The following DCLRE1C variants were observed in gnomAD, a reference collection of about 807,000 sequenced individuals.
The protein encoded by DCLRE1C is protein artemis.
DCLRE1C carries 47 observed loss-of-function variants against 61.4 expected under a neutral mutation model. The observed-to-expected ratio is 0.77, with a 90% CI of 0.61 to 0.98. DCLRE1C has a LOEUF of 0.98. DCLRE1C is among the 50% of genes least tolerant of loss of function. The probability of loss-of-function intolerance (pLI) is 0.00; values close to 1 mark genes in which losing one functional copy is unlikely to be tolerated. For synonymous variants in DCLRE1C, 337 were observed against 287.6 expected (o/e 1.17, Z -1.74); for missense variants, 858 against 816.0 (o/e 1.05, Z -0.63).
intron 13 of DCLRE1C, chr10:14,899,518 C>T (rs1384576764): frequency 6.6e-5 from 107 of 1,612,628 alleles, no homozygotes; most frequent in East Asian, 8.9e-5. Context: ...ACGTAATATA[C>T]TTACAGTTTT....
intron 3 of DCLRE1C, 108 bp from the exon 4 acceptor site, chr10:14,939,977 A>G (rs1840601534): frequency 1.3e-6 from 1 of 793,958 alleles, no homozygotes; most frequent in Non-Finnish European, 2.1e-6. Flanking sequence ...CAGACTCTCT[A>G]TATAAACAAT....
intron 6 of DCLRE1C, among the ~76,000 whole-genome samples, chr10:14,935,059 A>C (rs1839674821): frequency 6.6e-6 from 1 of 151,898 alleles, no homozygotes; most frequent in Non-Finnish European, 1.5e-5. Context: ...CCTGGCCTCA[A>C]GTGATGCACC....
At chr10:14,899,796 A>C, downstream of DCLRE1C, 1 of 1,303,972 alleles carries the variant, frequency 7.7e-7, no homozygotes, top group Non-Finnish European at 1.0e-6. Flanking sequence ...ACATTTCCAA[A>C]ATATGTATTT....
chr10:14,950,209 G>A (rs928965464), intron 1 of DCLRE1C, among the ~76,000 whole-genome samples: 18 of 151,810 alleles, frequency 1.2e-4, no homozygotes, highest in East Asian at 3.9e-4. Context: ...GGCTGGTGGC[G>A]CATGGCTGTA....
chr10:14,926,863 A>G lies in DCLRE1C; in HGVS notation c.952T>C (p.Phe318Leu), dbSNP rs1264592070. ...CTTACCTCACTGTAGGAGGAGTGAAAAGAAAAACAAGCTCTGTATGAACTC... is the reference window on the plus strand; with the variant it reads ...CTTACCTCACTGTAGGAGGAGTGAAGAGAAAAACAAGCTCTGTATGAACTC... ...GESSYRACFS[F>L]HSSYSEIKDF... Residue 318 changes from phenylalanine (F) to leucine (L), a missense_variant, in exon 11 of 14, where the codon TTT (phenylalanine) becomes CTT (leucine). Coordinates refer to ENST00000378278, the MANE Select transcript of DCLRE1C (RefSeq NM_001033855.3). 6.2e-7 allele frequency: 1 copy of G among 1,613,446 alleles called. No individual in the cohort carries two copies. Among genetic ancestry groups the G allele is most frequent in the African/African-American group, 1.3e-5 (1 of 74,880 alleles).
chr10:14,909,282 C>A lies in DCLRE1C; in HGVS notation c.1205G>T (p.Arg402Met). ...AGTTTCCGGGTATGGAACTTTGTGCCTTAAAGGTATTGGCAGAGGATCATC... is the reference window on the plus strand; with the variant it reads ...AGTTTCCGGGTATGGAACTTTGTGCATTAAAGGTATTGGCAGAGGATCATC... Reference protein sequence around the residue: ...LFDDPLPIPLRHKVPYPETFH... With the variant: ...LFDDPLPIPLMHKVPYPETFH... Residue 402 changes from arginine (R) to methionine (M), a missense_variant, in exon 14 of 14, where the codon AGG (arginine) becomes ATG (methionine). Coordinates refer to ENST00000378278, the MANE Select transcript of DCLRE1C (RefSeq NM_001033855.3). 6.2e-7 allele frequency: 1 copy of A among 1,613,772 alleles called. No homozygotes were observed. Among genetic ancestry groups the A allele is most frequent in the Non-Finnish European group, 8.5e-7 (1 of 1,179,966 alleles).
chr10:14,924,050 C>T (rs914182467), intron 11 of DCLRE1C, among the ~76,000 whole-genome samples: 1 of 152,224 alleles, frequency 6.6e-6, no homozygotes, highest in East Asian at 1.9e-4. Flanking sequence ...CTGGGGTGTG[C>T]CTAAGGGCCA....
chr10:14,937,748 G>A (rs1001462364), intron 4 of DCLRE1C, among the ~76,000 whole-genome samples: 3 of 152,104 alleles, frequency 2.0e-5, no homozygotes, highest in Admixed American at 6.5e-5. Flanking sequence ...AAAATTAGCT[G>A]CGCATGGTGG....
chr10:14,929,189 G>C lies in DCLRE1C; in HGVS notation c.781-1037C>G, dbSNP rs370904921. ...GGAGGCTGAGGCAGGTGGATCACTT[G>C]AGGTCAGGAGTCCAAGACCAGTCTG... On this transcript the variant is annotated intron_variant, in intron 9 of 13. Transcript: ENST00000378278. 1.4e-4 allele frequency among the ~76,000 whole-genome samples: 22 copies of C among 152,268 alleles called. No individual in the cohort carries two copies. In the East Asian group the frequency reaches 4.3e-3, roughly 29 times the overall value.
chr10:14,908,780 A>AT lies in DCLRE1C; in HGVS notation c.1706dup (p.Asp569GlufsTer9), dbSNP rs752450605. On this transcript the variant is annotated frameshift_variant, in exon 14 of 14. Transcript: ENST00000378278. LOFTEE classifies it low-confidence loss of function (END_TRUNC). ...AGTCAGCTTTGTCCAAGGAAGTAAT[A>AT]TCCCCACTGTTTCTCTCTTGGGAAG... 1.2e-6 allele frequency: 2 copies of AT among 1,614,202 alleles called. No individual in the cohort carries two copies. The highest frequency in any genetic ancestry group is 8.5e-7 in the Non-Finnish European group (1 of 1,180,036).
rs1167279540 is a variant in DCLRE1C, at chr10:14,906,801, C to CA, written c.*1606dup. Among the ~76,000 whole-genome samples the CA allele has an allele frequency of 6.6e-6, 1 of 152,218 alleles. No homozygotes were observed. The highest frequency in any genetic ancestry group is 1.5e-5 in the Non-Finnish European group (1 of 68,034). On this transcript the variant is annotated 3_prime_UTR_variant, in exon 14 of 14. Coordinates refer to ENST00000378278, the MANE Select transcript of DCLRE1C (RefSeq NM_001033855.3). The stretch of plus-strand genomic sequence containing the variant: ...TTAAAACTTGTTAAAAATCCTCATA[C>CA]ATAACACAAAAGCCTAACACATTGA...
At chr10:14,902,137 T>C (rs1334988900), downstream of DCLRE1C, among the ~76,000 whole-genome samples, 6 of 152,208 alleles carry the variant, frequency 3.9e-5, no homozygotes, top group Non-Finnish European at 2.9e-5. Context: ...CTGACAAATA[T>C]GGGCTAATAA....
At chr10:14,914,845 CAGG>C (rs1419163276) in intron 13 of DCLRE1C, among the ~76,000 whole-genome samples, 16 of 151,842 alleles carry the variant, frequency 1.1e-4, no homozygotes, top group Admixed American at 1.1e-3. Flanking sequence ...GATGCTGACA[CAGG>C]AGAATCACTT....
chr10:14,900,705 A>G (rs1388574740), downstream of DCLRE1C, among the ~76,000 whole-genome samples: 1 of 152,202 alleles, frequency 6.6e-6, no homozygotes, highest in Non-Finnish European at 1.5e-5. Flanking sequence ...ATGCAGTGTA[A>G]AATTTGAGTT....
At chr10:14,932,017 G>A (rs749982103) in intron 9 of DCLRE1C, among the ~76,000 whole-genome samples, 4 of 152,052 alleles carry the variant, frequency 2.6e-5, no homozygotes, top group South Asian at 2.1e-4. Flanking sequence ...CTGGGCAACA[G>A]AGCAAGGCTC....
At position 14,945,110 on chromosome 10, in the gene DCLRE1C, GT is replaced by G. The variant is rs1564471175; in HGVS notation, c.240del (p.Lys80AsnfsTer16). On this transcript the variant is annotated frameshift_variant, in exon 3 of 14. Coordinates refer to ENST00000378278, the MANE Select transcript of DCLRE1C (RefSeq NM_001033855.3). LOFTEE classifies it high-confidence loss of function. ...LTSPKYRFWK[K>X]RIISIEIETP... is the part of the protein sequence containing the mutation. ...ATTAAAAAAATAAAACTTACAATTC[GT>G]TTCTTCCAAAATCTGTATTTCGGGC... is the stretch of plus-strand genomic sequence containing the variant. 2 of 1,609,882 alleles carry G rather than the reference GT, an allele frequency of 1.2e-6. No individual in the cohort carries two copies. Among genetic ancestry groups the G allele is most frequent in the Non-Finnish European group, 1.7e-6 (2 of 1,177,810 alleles).
At position 14,907,037 on chromosome 10, in the gene DCLRE1C, AT is replaced by A. The variant is rs1834455319; in HGVS notation, c.*1370del. 6.6e-6 allele frequency among the ~76,000 whole-genome samples: 1 copy of A among 151,710 alleles called. No homozygotes were observed. Among genetic ancestry groups the A allele is most frequent in the South Asian group, 2.1e-4 (1 of 4,804 alleles). ...GTGCACACCACCATGTCTGGCTAACATTTTGTGGAGACAGGGTCTCCCTGTG... is the reference window on the plus strand; with the variant it reads ...GTGCACACCACCATGTCTGGCTAACATTTGTGGAGACAGGGTCTCCCTGTG... On this transcript the variant is annotated 3_prime_UTR_variant, in exon 14 of 14. Transcript: ENST00000378278.
chr10:14,916,407 T>G (rs1836198233), intron 13 of DCLRE1C, among the ~76,000 whole-genome samples: 1 of 152,202 alleles, frequency 6.6e-6, no homozygotes, highest in Non-Finnish European at 1.5e-5. Context: ...AGATCAAAAA[T>G]CAATTGCACA....
At chr10:14,915,123 CAA>C (rs34873295) in intron 13 of DCLRE1C, among the ~76,000 whole-genome samples, 13,970 of 151,812 alleles carry the variant, frequency 0.092, 830 homozygotes, top group Non-Finnish European at 0.13. Context: ...ACAATGAAAA[CAA>C]GACAAATTTA....
Sources: allele counts gnomAD v4.1 joint callset (sites outside exome capture counted in the v4.1 genomes callset), GRCh38; gene constraint gnomAD v4.1.1; transcripts MANE v1.5; gene names NCBI Gene and HGNC (gene_info 2026-07-23, HGNC 2026-07-21).